Variants in SKIC3 observed in about 807,000 individuals in gnomAD.
The protein encoded by SKIC3 is SKI3 subunit of superkiller complex.
chr5:95,498,516 T>C, the SKIC3 span: 1 of 1,614,250 alleles, frequency 6.2e-7, no homozygotes, highest in South Asian at 1.1e-5. Flanking sequence ...CTTTTGACAG[T>C]GTAGCATCCT....
the SKIC3 span, chr5:95,528,015 G>A: frequency 6.2e-7 from 1 of 1,613,472 alleles, no homozygotes; most frequent in Non-Finnish European, 8.5e-7. Flanking sequence ...AAGTCTACCT[G>A]ATCAAGCGTA....
At chr5:95,491,021 C>A in the SKIC3 span, 1 of 1,613,854 alleles carries the variant, frequency 6.2e-7, no homozygotes, top group Admixed American at 1.7e-5. Flanking sequence ...TAGCCCAGCC[C>A]AGATAGCAGG....
the SKIC3 span, chr5:95,516,633 C>T: frequency 3.6e-5 from 58 of 1,612,988 alleles, no homozygotes; most frequent in African/African-American, 5.3e-5. Flanking sequence ...TTGAAATACA[C>T]AATCTTCTAA....
At chr5:95,547,043 GA>G in the SKIC3 span, 1 of 1,605,998 alleles carries the variant, frequency 6.2e-7, no homozygotes, top group Non-Finnish European at 8.5e-7. Flanking sequence ...CATTGTGGAA[GA>G]AAAAAATACT....
At chr5:95,546,339 GA>G in the SKIC3 span, among the ~76,000 whole-genome samples, 822 of 57,532 alleles carry the variant, frequency 0.014, 4 homozygotes, top group African/African-American at 0.051. Context: ...CCCACCATGA[GA>G]AAAAAAAAAA....
the SKIC3 span, chr5:95,524,474 G>A: frequency 1.9e-6 from 3 of 1,613,062 alleles, no homozygotes; most frequent in Non-Finnish European, 2.5e-6. Context: ...CCTTCAGAAA[G>A]TGGGTAAGAG....
chr5:95,494,600 G>A, the SKIC3 span: 1 of 1,351,072 alleles, frequency 7.4e-7, no homozygotes, highest in Middle Eastern at 2.1e-4. Context: ...TATATATTGT[G>A]TGCAAGATTT....
At chr5:95,482,666 T>C in the SKIC3 span, 4 of 1,611,646 alleles carry the variant, frequency 2.5e-6, no homozygotes, top group Non-Finnish European at 3.4e-6. Context: ...ACACATCAAA[T>C]AGGTTCTTAA....
the SKIC3 span, among the ~76,000 whole-genome samples, chr5:95,506,057 T>G: frequency 3.3e-5 from 5 of 152,128 alleles, no homozygotes; most frequent in African/African-American, 1.2e-4. Context: ...GAACAGATAC[T>G]TTATTCTACA....
chr5:95,516,256 G>A, the SKIC3 span: 2 of 1,319,948 alleles, frequency 1.5e-6, no homozygotes, highest in East Asian at 2.4e-5. Context: ...ATAACGATGT[G>A]CAAAAACATT....
the SKIC3 span, among the ~76,000 whole-genome samples, chr5:95,466,109 T>C: frequency 1.3e-5 from 2 of 152,306 alleles, no homozygotes; most frequent in African/African-American, 4.8e-5. Flanking sequence ...AGCTTTTCAG[T>C]GATTTTCATT....
the SKIC3 span, among the ~76,000 whole-genome samples, chr5:95,476,956 A>C: frequency 2.0e-5 from 3 of 152,228 alleles, no homozygotes; most frequent in Non-Finnish European, 2.9e-5. Context: ...ACTATTATTA[A>C]TTTGTTCTAT....
At chr5:95,530,375 C>A in the SKIC3 span, 1 of 733,776 alleles carries the variant, frequency 1.4e-6, no homozygotes, top group Non-Finnish European at 2.2e-6. Flanking sequence ...TTTAAATAGA[C>A]CAGCAAATGC....
chr5:95,514,424 C>A, the SKIC3 span, among the ~76,000 whole-genome samples: 1 of 152,048 alleles, frequency 6.6e-6, no homozygotes. Context: ...AAGTGACAAA[C>A]CAAATATGAA....
the SKIC3 span, chr5:95,516,312 CAT>C: frequency 1.2e-6 from 2 of 1,607,410 alleles, no homozygotes; most frequent in African/African-American, 1.3e-5. Context: ...ATATAGAAAA[CAT>C]TCTTTGTTTT....
At chr5:95,492,674 A>AC in the SKIC3 span, among the ~76,000 whole-genome samples, 1 of 141,044 alleles carries the variant, frequency 7.1e-6, no homozygotes, top group African/African-American at 2.7e-5. Flanking sequence ...AAAAAAAAAA[A>AC]AAAAAAAAAA....
chr5:95,487,324 T>G, the SKIC3 span, among the ~76,000 whole-genome samples: 129 of 152,310 alleles, frequency 8.5e-4, no homozygotes, highest in Middle Eastern at 3.4e-3. Flanking sequence ...CTATTAGTTC[T>G]GTCCCTCTAG....
At chr5:95,545,556 T>C in the SKIC3 span, among the ~76,000 whole-genome samples, 2 of 152,156 alleles carry the variant, frequency 1.3e-5, no homozygotes, top group African/African-American at 4.8e-5. Flanking sequence ...AATGAAAACA[T>C]GGCTAATTCC....
the SKIC3 span, among the ~76,000 whole-genome samples, chr5:95,490,504 A>AT: frequency 3.7e-3 from 538 of 144,246 alleles, 4 homozygotes; most frequent in Middle Eastern, 7.2e-3. Flanking sequence ...ATATATATAT[A>AT]TTTTTTTTTT....
Sources: gnomAD v4.1 joint callset for allele counts (sites outside exome capture counted in the v4.1 genomes callset) on GRCh38, gnomAD v4.1.1 for gene constraint, MANE v1.5 for transcripts, NCBI Gene and HGNC (gene_info 2026-07-23, HGNC 2026-07-21) for gene names.